Variants in RBMS2 observed in about 807,000 individuals in gnomAD.
RBMS2 encodes the protein RNA-binding motif, single-stranded-interacting protein 2.
In RBMS2, 38 loss-of-function variants were observed where a neutral mutation model predicts 58.4. That is an observed-to-expected ratio of 0.65 (90% CI 0.50 to 0.85). The LOEUF is 0.85. RBMS2 is among the 40% of genes least tolerant of loss of function. The pLI is 0.00. For missense variants in RBMS2, 367 were observed against 503.7 expected (o/e 0.73, Z 2.60); for synonymous variants, 151 against 180.7 (o/e 0.84, Z 1.32).
chr12:56,574,141 A>G (rs1002322192), intron 5 of RBMS2, among the ~76,000 whole-genome samples: 1 of 152,158 alleles, frequency 6.6e-6, no homozygotes, highest in African/African-American at 2.4e-5. Context: ...GCGCCCAGCC[A>G]GTCCACACAA....
At chr12:56,531,799 A>G (rs1259800535) in intron 1 of RBMS2, among the ~76,000 whole-genome samples, 1 of 149,298 alleles carries the variant, frequency 6.7e-6, no homozygotes, top group African/African-American at 2.5e-5. Flanking sequence ...CCCAGGCGAC[A>G]GTGCGAGATT....
intron 3 of RBMS2, 146 bp downstream of exon 3, chr12:56,569,179 T>A (rs1259682562): frequency 1.3e-6 from 1 of 779,530 alleles, no homozygotes; most frequent in Non-Finnish European, 2.0e-6. Flanking sequence ...AGGAGATATT[T>A]AGATTCTTTG....
intron 5 of RBMS2, among the ~76,000 whole-genome samples, chr12:56,575,043 G>T (rs909728925): frequency 6.6e-6 from 1 of 152,022 alleles, no homozygotes; most frequent in African/African-American, 2.4e-5. Flanking sequence ...AGCTTACTCG[G>T]AAGGCTGATG....
intron 9 of RBMS2, among the ~76,000 whole-genome samples, chr12:56,584,945 T>C (rs1884486150): frequency 6.7e-6 from 1 of 148,908 alleles, no homozygotes; most frequent in South Asian, 2.2e-4. Flanking sequence ...TGCCTCAGCC[T>C]CCCAAGTAGC....
At chr12:56,586,453 T>C (rs1884683548) in intron 9 of RBMS2, among the ~76,000 whole-genome samples, 1 of 152,128 alleles carries the variant, frequency 6.6e-6, no homozygotes, top group Non-Finnish European at 1.5e-5. Flanking sequence ...GCCATCCTAA[T>C]AGGTATGAAG....
chr12:56,550,365 T>G (rs1341866996), intron 1 of RBMS2, among the ~76,000 whole-genome samples: 2 of 151,920 alleles, frequency 1.3e-5, no homozygotes, highest in Non-Finnish European at 2.9e-5. Flanking sequence ...ACCCTGTCTC[T>G]ACAAAAATAC....
At chr12:56,572,244 G>A (rs1031507933) in intron 5 of RBMS2, among the ~76,000 whole-genome samples, 2 of 140,496 alleles carry the variant, frequency 1.4e-5, no homozygotes, top group East Asian at 4.3e-4. Context: ...AGCTGAGATC[G>A]CACCACTGCA....
Position 56,547,577 on chromosome 12 carries a change from C to A in RBMS2, c.67-14840C>A, listed in dbSNP as rs144594628. Reference sequence around the variant, plus strand: ...AGTGTCTTTTTTGAGAGACTTCACCCTCAGGAATTAATTGTGTCTTCTTTC... The same window carrying A: ...AGTGTCTTTTTTGAGAGACTTCACCATCAGGAATTAATTGTGTCTTCTTTC... On this transcript the variant is annotated intron_variant, in intron 1 of 13. Transcript: ENST00000262031. Among the ~76,000 whole-genome samples the A allele has an allele frequency of 6.6e-3, 997 of 152,082 alleles. 12 individuals carry two copies. Among genetic ancestry groups the A allele is most frequent in the African/African-American group, 0.023 (941 of 41,476 alleles).
chr12:56,541,669 C>T (rs1262845425), intron 1 of RBMS2, among the ~76,000 whole-genome samples: 1 of 152,206 alleles, frequency 6.6e-6, no homozygotes, highest in Non-Finnish European at 1.5e-5. Context: ...GATTTATCCA[C>T]CTAAATACAA....
chr12:56,589,040 G>C lies in RBMS2; in HGVS notation c.*6+22G>C, dbSNP rs754368551. ...GTGGGTAAGAACCACATGCTGGGGG[G>C]CAGGGAGGGCTGCACTGGCAGACAG... On this transcript the variant is annotated intron_variant, in intron 13 of 13. Transcript: ENST00000262031. The C allele has an allele frequency of 5.0e-6, 8 of 1,613,744 alleles. No individual in the cohort carries two copies. In the African/African-American group the frequency reaches 8.0e-5, roughly 16 times the overall value.
chr12:56,587,903 T>C (rs1317363347), intron 11 of RBMS2, among the ~76,000 whole-genome samples: 1 of 152,188 alleles, frequency 6.6e-6, no homozygotes, highest in African/African-American at 2.4e-5. Context: ...GAATAGTGCT[T>C]CTGTCTGCAT....
chr12:56,575,436 C>G (rs112552461), intron 5 of RBMS2, among the ~76,000 whole-genome samples: 1 of 151,730 alleles, frequency 6.6e-6, no homozygotes, highest in Admixed American at 6.6e-5. Context: ...GACCCTGTCT[C>G]AATAAATAAA....
chr12:56,541,989 G>T (rs1246854595), intron 1 of RBMS2, among the ~76,000 whole-genome samples: 1 of 152,096 alleles, frequency 6.6e-6, no homozygotes, highest in Admixed American at 6.6e-5. Flanking sequence ...AATTTTAAAA[G>T]ATGATACAAG....
At chr12:56,573,610 C>T (rs1280368777) in intron 5 of RBMS2, among the ~76,000 whole-genome samples, 4 of 151,924 alleles carry the variant, frequency 2.6e-5, no homozygotes, top group Non-Finnish European at 5.9e-5. Context: ...AGGCTTGGGA[C>T]CATCGAACTT....
chr12:56,551,277 T>A (rs1308383711), intron 1 of RBMS2, among the ~76,000 whole-genome samples: 1 of 152,178 alleles, frequency 6.6e-6, no homozygotes, highest in African/African-American at 2.4e-5. Context: ...TGAGGTGGAA[T>A]GGCGGAAGTC....
intron 1 of RBMS2, among the ~76,000 whole-genome samples, chr12:56,525,012 G>C (rs934956495): frequency 6.6e-6 from 1 of 151,732 alleles, no homozygotes; most frequent in Admixed American, 6.6e-5. Context: ...ATGAGCCACT[G>C]CGCCTGGCCC....
At chr12:56,558,557 C>A (rs1266012060) in intron 1 of RBMS2, among the ~76,000 whole-genome samples, 1 of 125,820 alleles carries the variant, frequency 7.9e-6, no homozygotes, top group African/African-American at 2.8e-5. Flanking sequence ...CCCTCCCTCC[C>A]TTCCTTCCTT....
chr12:56,527,203 C>T (rs1235855305), intron 1 of RBMS2, among the ~76,000 whole-genome samples: 1 of 152,196 alleles, frequency 6.6e-6, no homozygotes, highest in African/African-American at 2.4e-5. Context: ...ACTTTTCCTT[C>T]TAGTTTCCAT....
chr12:56,572,655 C>T (rs1346532087), intron 5 of RBMS2: 1 of 340,052 alleles, frequency 2.9e-6, no homozygotes, highest in Non-Finnish European at 4.2e-6. Flanking sequence ...CTCTATCTTA[C>T]AGATGAGGAA....
Sources: allele counts gnomAD v4.1 joint callset (sites outside exome capture counted in the v4.1 genomes callset), GRCh38; gene constraint gnomAD v4.1.1; transcripts MANE v1.5; gene names NCBI Gene and HGNC (gene_info 2026-07-23, HGNC 2026-07-21).